The following TRMT44 variants were observed in gnomAD, a reference collection of about 807,000 sequenced individuals.
TRMT44 encodes probable tRNA (uracil-O(2)-)-methyltransferase.
In TRMT44, 78 loss-of-function variants were observed where a neutral mutation model predicts 77.3. That is an observed-to-expected ratio of 1.01 (90% confidence interval 0.84 to 1.22). The LOEUF (loss-of-function observed/expected upper bound fraction) is 1.22, where lower values mean the gene tolerates loss of function less well. Among genes scored for constraint, TRMT44 ranks in the 50% most tolerant of loss-of-function variants. The pLI, the probability that TRMT44 is intolerant of heterozygous loss-of-function variation, is 0.00. For synonymous variants in TRMT44, 391 were observed against 383.3 expected (o/e 1.02, Z -0.23); for missense variants, 1,090 against 964.4 (o/e 1.13, Z -1.73).
At chr4:8,459,898 G>A (rs1726042968) in intron 6 of TRMT44, among the ~76,000 whole-genome samples, 1 of 152,180 alleles carries the variant, frequency 6.6e-6, no homozygotes, top group Non-Finnish European at 1.5e-5. Flanking sequence ...CTGAGGAGGA[G>A]GCTGGGGGTG....
intron 8 of TRMT44, 124 bp from the exon 9 acceptor site, chr4:8,467,790 T>C (rs1257381276): frequency 8.9e-7 from 1 of 1,126,752 alleles, no homozygotes; most frequent in Non-Finnish European, 1.3e-6. Flanking sequence ...GTTTTTTAAA[T>C]CAGGATTTTT....
chr4:8,509,514 C>T, the TRMT44 span: 1 of 152,768 alleles, frequency 6.5e-6, no homozygotes, highest in Non-Finnish European at 1.5e-5. Context: ...CCATGGGCAA[C>T]TTTCCCTTGC....
At chr4:8,514,454 T>G in the TRMT44 span, among the ~76,000 whole-genome samples, 1 of 151,926 alleles carries the variant, frequency 6.6e-6, no homozygotes, top group South Asian at 2.1e-4. Flanking sequence ...TTGTATTTTT[T>G]TTAGTAGAGA....
chr4:8,479,745 AT>A (rs759940062), downstream of TRMT44, among the ~76,000 whole-genome samples: 3 of 152,328 alleles, frequency 2.0e-5, no homozygotes, highest in East Asian at 1.9e-4. Flanking sequence ...TACTAAAAAA[AT>A]GTCTTCAATA....
At chr4:8,515,167 A>C in the TRMT44 span, among the ~76,000 whole-genome samples, 5 of 152,154 alleles carry the variant, frequency 3.3e-5, no homozygotes, top group Non-Finnish European at 7.3e-5. Context: ...GGATTTCACC[A>C]TGCTGCCCAG....
At chr4:8,484,240 A>G (rs1038041913) in intron 2 of TRMT44, among the ~76,000 whole-genome samples, 1 of 152,148 alleles carries the variant, frequency 6.6e-6, no homozygotes, top group Admixed American at 6.5e-5. Flanking sequence ...TCAGAGAGAT[A>G]CAGTCATGAG....
chr4:8,503,722 G>A, the TRMT44 span, among the ~76,000 whole-genome samples: 1 of 152,220 alleles, frequency 6.6e-6, no homozygotes, highest in Non-Finnish European at 1.5e-5. Context: ...CCGTCCAGAA[G>A]CTTCCTCTTC....
chr4:8,447,671 T>G (rs1725146512), intron 2 of TRMT44, among the ~76,000 whole-genome samples: 1 of 152,116 alleles, frequency 6.6e-6, no homozygotes, highest in Non-Finnish European at 1.5e-5. Flanking sequence ...CCTTCGTGCT[T>G]GAAAGGGGTG....
rs778153091 is a variant in TRMT44 at position 8,465,406 on chromosome 4, C to A, written c.1339C>A (p.Leu447Ile). The A allele has an allele frequency of 6.2e-7, 1 of 1,613,190 alleles. No homozygotes were observed. The highest frequency in any genetic ancestry group is 1.1e-5 in the South Asian group (1 of 90,924). The change falls in exon 8 of 11, where the codon CTC becomes ATC. Residue 447 changes from leucine (L) to isoleucine (I), a missense_variant. By Grantham distance (5) the Leu-to-Ile change is conservative. Coordinates refer to ENST00000389737, the MANE Select transcript of TRMT44 (RefSeq NM_152544.3). The stretch of plus-strand genomic sequence containing the variant: ...TTCCTACAATTGCCGCTTCTTTGTC[C>A]TCCCCTGCTGCTTCTTTGACTTCAT... ...RSSYNCRFFVLPCCFFDFIGR... is the reference protein window; with the variant it reads ...RSSYNCRFFVIPCCFFDFIGR...
chr4:8,472,719 G>A (rs2109186594), intron 10 of TRMT44, among the ~76,000 whole-genome samples: 1 of 152,330 alleles, frequency 6.6e-6, no homozygotes, highest in Admixed American at 6.5e-5. Flanking sequence ...CTCGGGGCAG[G>A]CGCAGAAGCG....
intron 2 of TRMT44, among the ~76,000 whole-genome samples, chr4:8,488,283 G>C (rs1046130138): frequency 6.6e-6 from 1 of 152,200 alleles, no homozygotes; most frequent in South Asian, 2.1e-4. Flanking sequence ...CGTGTGAAGA[G>C]ACCACCAAAC....
rs1056264178 is a variant in TRMT44, at chr4:8,461,538, G to A, written c.1204-2447G>A. Among the ~76,000 whole-genome samples, 18 of 152,114 alleles carry A rather than the reference G, an allele frequency of 1.2e-4. No individual in the cohort carries two copies. The highest frequency in any genetic ancestry group is 4.1e-4 in the African/African-American group (17 of 41,416). ...CTGCTGAGGGTGCCCCTTGGAGAAC[G>A]GGCGGAGGCTCTAGTTCTTTAGCTG... On this transcript the variant is annotated intron_variant, in intron 6 of 10. Coordinates refer to ENST00000389737, the MANE Select transcript of TRMT44 (RefSeq NM_152544.3). The surrounding 1 kb of genome is among the most constrained non-coding windows in gnomAD (Gnocchi z 4.6).
At chr4:8,443,806 A>G (rs1724897497) in intron 1 of TRMT44, among the ~76,000 whole-genome samples, 1 of 152,098 alleles carries the variant, frequency 6.6e-6, no homozygotes, top group Non-Finnish European at 1.5e-5. Context: ...TAAAAATACA[A>G]AAAATTAGCC....
At chr4:8,488,622 T>C (rs1429712524) in intron 2 of TRMT44, among the ~76,000 whole-genome samples, 1 of 152,240 alleles carries the variant, frequency 6.6e-6, no homozygotes, top group East Asian at 1.9e-4. Flanking sequence ...ACTTCTTTTG[T>C]GATTCTTCAG....
At chr4:8,512,023 G>A in the TRMT44 span, 1 of 152,138 alleles carries the variant, frequency 6.6e-6, no homozygotes, top group South Asian at 2.1e-4. Context: ...TTTCTTTTTA[G>A]TTTTTAGTTT....
At chr4:8,490,299 G>C (rs1727956745) in intron 2 of TRMT44, among the ~76,000 whole-genome samples, 1 of 152,230 alleles carries the variant, frequency 6.6e-6, no homozygotes, top group Non-Finnish European at 1.5e-5. Flanking sequence ...TGAAGCCACA[G>C]ACCCTCGCGG....
intron 5 of TRMT44, chr4:8,454,410 C>A: frequency 3.5e-6 from 1 of 289,430 alleles, no homozygotes; most frequent in East Asian, 6.1e-5. Flanking sequence ...CTGTAACAAC[C>A]ATTCCAAGCT....
At chr4:8,502,595 C>A in the TRMT44 span, among the ~76,000 whole-genome samples, 1 of 152,174 alleles carries the variant, frequency 6.6e-6, no homozygotes, top group South Asian at 2.1e-4. Flanking sequence ...TGGCAGTATT[C>A]GATTCCTTGC....
At chr4:8,504,605 A>G in the TRMT44 span, among the ~76,000 whole-genome samples, 1 of 152,084 alleles carries the variant, frequency 6.6e-6, no homozygotes, top group Non-Finnish European at 1.5e-5. This position sits in a 1 kb window ranked among gnomAD's most constrained non-coding sequence, Gnocchi z 5.3. Context: ...CCAAGTCTGT[A>G]TCCACCTTCA....
Sources: allele counts gnomAD v4.1 joint callset (sites outside exome capture counted in the v4.1 genomes callset), GRCh38; gene constraint gnomAD v4.1.1; non-coding constraint Gnocchi (gnomAD v3.1); transcripts MANE v1.5; gene names NCBI Gene and HGNC (gene_info 2026-07-23, HGNC 2026-07-21).